Variants in ZMYM5 observed in about 807,000 individuals in gnomAD.
ZMYM5 encodes the protein zinc finger MYM-type containing 5, also known as zinc finger MYM-type protein 5.
Under a neutral mutation model 61.8 loss-of-function variants are expected in ZMYM5, and 41 were observed. The observed-to-expected ratio is 0.66, with a 90% CI of 0.52 to 0.86. The LOEUF (loss-of-function observed/expected upper bound fraction) is 0.86, where lower values mean the gene tolerates loss of function less well. Among genes scored for constraint, ZMYM5 ranks in the 40% least tolerant of loss-of-function variants. ZMYM5 has a pLI of 0.00. For synonymous variants in ZMYM5, 257 were observed against 276.4 expected (o/e 0.93, Z 0.70); for missense variants, 706 against 786.7 (o/e 0.90, Z 1.23).
chr13:19,829,710 TCA>T (rs1478063754), intron 7 of ZMYM5, among the ~76,000 whole-genome samples: 1 of 152,166 alleles, frequency 6.6e-6, no homozygotes, highest in African/African-American at 2.4e-5. Context: ...CCCTCTCGCC[TCA>T]GTCTTTCTAG....
At chr13:19,843,568 G>A (rs566440544) in intron 4 of ZMYM5, 1 of 152,186 alleles carries the variant, frequency 6.6e-6, no homozygotes, top group South Asian at 2.1e-4. Context: ...ACAGTGTGGT[G>A]GCTCATGCCT....
Position 19,856,707 on chromosome 13 carries a change from G to C in ZMYM5, c.-10-4517C>G, listed in dbSNP as rs1327750022. Among the ~76,000 whole-genome samples, 7 of 152,164 alleles carry C rather than the reference G, an allele frequency of 4.6e-5. No homozygotes were observed. In the South Asian group the frequency reaches 1.0e-3, roughly 23 times the overall value. The stretch of plus-strand genomic sequence containing the variant: ...CACCTGGAGTCCCAGCCACTCAGGA[G>C]ACTGAGGCAAGAGAATCGCTTGAAC... On this transcript the variant is annotated intron_variant, in intron 2 of 7. Coordinates refer to ENST00000337963, the MANE Select transcript of ZMYM5 (RefSeq NM_001142684.2).
chr13:19,849,176 G>A (rs562234174), intron 4 of ZMYM5, among the ~76,000 whole-genome samples: 1 of 152,224 alleles, frequency 6.6e-6, no homozygotes, highest in South Asian at 2.1e-4. Flanking sequence ...CTAGGCTGGA[G>A]TGCAGCGGTA....
intron 2 of ZMYM5, among the ~76,000 whole-genome samples, chr13:19,856,211 T>C (rs1316412481): frequency 6.6e-6 from 1 of 152,194 alleles, no homozygotes; most frequent in African/African-American, 2.4e-5. Flanking sequence ...TATGTGGCAG[T>C]GGGCAAATTA....
At chr13:19,854,444 G>A (rs536869423) in intron 2 of ZMYM5, among the ~76,000 whole-genome samples, 1 of 152,184 alleles carries the variant, frequency 6.6e-6, no homozygotes, top group Admixed American at 6.5e-5. Flanking sequence ...GGTCAACGTG[G>A]TGAAACCCCA....
chr13:19,824,096 C>A lies in ZMYM5; in HGVS notation c.*381G>T, dbSNP rs1305403472. The A allele has an allele frequency of 1.3e-5, 2 of 152,612 alleles. No individual in the cohort carries two copies. The highest frequency in any genetic ancestry group is 2.9e-5 in the Non-Finnish European group (2 of 68,388). 9.5% of individuals were successfully genotyped at this position (152,612 alleles called of 1,614,324 possible). A position where few individuals can be genotyped will look rare whatever the true frequency, so the allele number is the denominator to read the frequency against. ...TCAATTGATCTACCCGCCTGAGCCT[C>A]CCAAAGTTCTTGGATTACAGGCGTG... On this transcript the variant is annotated 3_prime_UTR_variant, in exon 8 of 8. Coordinates refer to ENST00000337963, the MANE Select transcript of ZMYM5 (RefSeq NM_001142684.2).
chr13:19,834,273 C>A (rs1952609525), intron 7 of ZMYM5, among the ~76,000 whole-genome samples: 1 of 148,130 alleles, frequency 6.8e-6, no homozygotes. Flanking sequence ...CCACCACGTC[C>A]AGCCTATTTT....
At chr13:19,825,968 C>T (rs938914989) in intron 7 of ZMYM5, among the ~76,000 whole-genome samples, 5 of 150,048 alleles carry the variant, frequency 3.3e-5, no homozygotes, top group Admixed American at 2.0e-4. Flanking sequence ...CTCACTTGAA[C>T]CCTGGAGTCG....
chr13:19,834,666 T>TA (rs1405462434), intron 7 of ZMYM5, among the ~76,000 whole-genome samples: 2 of 152,022 alleles, frequency 1.3e-5, no homozygotes, highest in Admixed American at 6.6e-5. Flanking sequence ...GAAGAAAAAT[T>TA]AGTCTTTTAA....
chr13:19,846,644 A>G (rs1175499477), intron 4 of ZMYM5, among the ~76,000 whole-genome samples: 2 of 152,130 alleles, frequency 1.3e-5, no homozygotes, highest in Admixed American at 1.3e-4. Flanking sequence ...GAGTGAACCA[A>G]TATTTTCCAA....
At chr13:19,858,216 C>A (rs1327273671) in intron 2 of ZMYM5, among the ~76,000 whole-genome samples, 8 of 147,788 alleles carry the variant, frequency 5.4e-5, no homozygotes, top group Admixed American at 2.0e-4. Flanking sequence ...AAAAAAAAAA[C>A]AAAAAAACCA....
intron 2 of ZMYM5, 142 bp from the exon 3 acceptor site, chr13:19,852,332 A>C (rs1033522879): frequency 1.2e-6 from 1 of 828,288 alleles, no homozygotes; most frequent in African/African-American, 1.7e-5. Context: ...ACTGTTAACT[A>C]ATGTTTACTT....
At position 19,829,557 on chromosome 13, in the gene ZMYM5, C is replaced by T. The variant is rs370754058; in HGVS notation, c.1252-4322G>A. ...CCTCTTGCCTCAGCTTCCCAAAGTG[C>T]TGGGATTACAGACATAAGCCATTAC... On this transcript the variant is annotated intron_variant, in intron 7 of 7. Coordinates refer to ENST00000337963, the MANE Select transcript of ZMYM5 (RefSeq NM_001142684.2). 3.9e-5 allele frequency among the ~76,000 whole-genome samples: 6 copies of T among 152,238 alleles called. No homozygotes were observed. In the South Asian group the frequency reaches 8.3e-4, roughly 21 times the overall value.
chr13:19,858,736 T>C (rs1403979603), intron 2 of ZMYM5, among the ~76,000 whole-genome samples: 2 of 152,042 alleles, frequency 1.3e-5, no homozygotes, highest in African/African-American at 2.4e-5. Flanking sequence ...AACAGATGGA[T>C]GAATGGTTAA....
chr13:19,862,377 TAAAAA>T lies in ZMYM5; in HGVS notation c.-11+17_-11+21del, dbSNP rs111844342. 2 of 138,852 alleles carry T rather than the reference TAAAAA, an allele frequency of 1.4e-5. No homozygotes were observed. Among genetic ancestry groups the T allele is most frequent in the Non-Finnish European group, 3.1e-5 (2 of 63,702 alleles). 8.6% of individuals were successfully genotyped at this position (138,852 alleles called of 1,614,324 possible). ...AATTATATTAGACAGCAAAGCGGGG[TAAAAA>T]AAAAAAAACAACTCACAATGGAGAT... On this transcript the variant is annotated intron_variant, in intron 2 of 7. Transcript: ENST00000337963.
chr13:19,830,839 CTTT>C (rs1160103759), intron 7 of ZMYM5, among the ~76,000 whole-genome samples: 8 of 129,552 alleles, frequency 6.2e-5, no homozygotes, highest in Admixed American at 8.0e-5. Flanking sequence ...GTTACTTTTT[CTTT>C]TTTTTTTTTT....
rs753799756 is a variant in ZMYM5 at position 19,842,960 on chromosome 13, CAAAAAA to C, written c.587-3981_587-3976del. On this transcript the variant is annotated intron_variant, in intron 4 of 7. Coordinates refer to ENST00000337963, the MANE Select transcript of ZMYM5 (RefSeq NM_001142684.2). Reference sequence around the variant, plus strand: ...GGGAGACAAGAGCCAAACTCCATCTCAAAAAAAAAAAAAAAAAAAAAAAAAAGTTTT... The same window carrying C: ...GGGAGACAAGAGCCAAACTCCATCTCAAAAAAAAAAAAAAAAAAAAGTTTT... 3.4e-3 allele frequency among the ~76,000 whole-genome samples: 263 copies of C among 77,772 alleles called. 1 individual carries two copies. The highest frequency in any genetic ancestry group is 0.01 in the South Asian group (14 of 1,350). 51.0% of individuals were successfully genotyped at this position (77,772 alleles called of 152,430 possible). A position where few individuals can be genotyped will look rare whatever the true frequency, so the allele number is the denominator to read the frequency against.
At position 19,825,236 on chromosome 13, in the gene ZMYM5, C is replaced by G. The variant is rs1296641195; in HGVS notation, c.1252-1G>C. 1 of 1,253,790 alleles carries G rather than the reference C, an allele frequency of 8.0e-7. No homozygotes were observed. The highest frequency in any genetic ancestry group is 1.6e-5 in the African/African-American group (1 of 63,186). The allele number at this position is 1,253,790 out of a possible 1,614,324, so 77.7% of individuals were successfully genotyped here. On this transcript the variant is annotated splice_acceptor_variant, in intron 7 of 7. Coordinates refer to ENST00000337963, the MANE Select transcript of ZMYM5 (RefSeq NM_001142684.2). LOFTEE classifies it high-confidence loss of function. Reference sequence around the variant, plus strand: ...ATTTTTTTGATTTTGTTTCCATCATCTGAGGACAAAGAGGATTATAATTTT... The same window carrying G: ...ATTTTTTTGATTTTGTTTCCATCATGTGAGGACAAAGAGGATTATAATTTT...
rs1449515317 is a variant in ZMYM5, at chr13:19,852,138, T to A, written c.43A>T (p.Thr15Ser). ...GCCATATTCCCTAATAAAGCAGGAG[T>A]CTGTTCAGTCAACTCTAATCCTCCC... is the stretch of plus-strand genomic sequence containing the variant. ...SVGGLELTEQ[T>S]PALLGNMAMA... is the part of the protein sequence containing the mutation. The change falls in exon 3 of 8, where the codon ACT (threonine) becomes TCT (serine). Residue 15 changes from threonine (T) to serine (S), a missense_variant. Coordinates refer to ENST00000337963, the MANE Select transcript of ZMYM5 (RefSeq NM_001142684.2). The A allele has an allele frequency of 3.3e-5, 53 of 1,612,148 alleles. No individual in the cohort carries two copies. The highest frequency in any genetic ancestry group is 4.5e-5 in the Non-Finnish European group (53 of 1,179,860).
Sources: gnomAD v4.1 joint callset for allele counts (sites outside exome capture counted in the v4.1 genomes callset) on GRCh38, gnomAD v4.1.1 for gene constraint, MANE v1.5 for transcripts, NCBI Gene and HGNC (gene_info 2026-07-23, HGNC 2026-07-21) for gene names.